Variants in FMNL2 observed in about 807,000 individuals in gnomAD.
FMNL2 encodes the protein formin like 2, also known as formin-like protein 2.
FMNL2 carries 51 observed loss-of-function variants against 130.2 expected under a neutral mutation model. The observed-to-expected ratio is 0.39, with a 90% confidence interval of 0.31 to 0.49. The LOEUF (loss-of-function observed/expected upper bound fraction) is 0.49. FMNL2 is among the 20% of genes least tolerant of loss of function. FMNL2 has a pLI of 0.85. For missense variants in FMNL2, 977 were observed against 1,316.2 expected (o/e 0.74, Z 3.99); for synonymous variants, 465 against 467.1 (o/e 1.00, Z 0.06).
At chr2:152,571,667 T>G (rs1360680397) in intron 6 of FMNL2, among the ~76,000 whole-genome samples, 1 of 152,210 alleles carries the variant, frequency 6.6e-6, no homozygotes, top group Non-Finnish European at 1.5e-5. Context: ...TTCAAACAGG[T>G]AAACTAGGAT....
intron 21 of FMNL2, among the ~76,000 whole-genome samples, chr2:152,634,739 T>G (rs1319141546): frequency 6.6e-6 from 1 of 152,202 alleles, no homozygotes; most frequent in Non-Finnish European, 1.5e-5. Flanking sequence ...TTGTGCAATG[T>G]GCAGTTGGGT....
At chr2:152,632,883 C>T (rs1404230143) in intron 21 of FMNL2, among the ~76,000 whole-genome samples, 2 of 152,130 alleles carry the variant, frequency 1.3e-5, no homozygotes, top group African/African-American at 2.4e-5. Context: ...ATTGTGATAT[C>T]GAACCATAAG....
At position 152,630,826 on chromosome 2, in the gene FMNL2, TC is replaced by T. The variant is rs574560874; in HGVS notation, c.2550+922del. Among the ~76,000 whole-genome samples the T allele has an allele frequency of 2.0e-5, 3 of 152,294 alleles. No individual in the cohort carries two copies. The South Asian group carries it at 6.2e-4, about 32-fold the overall frequency. On this transcript the variant is annotated intron_variant, in intron 20 of 25. Transcript: ENST00000288670. The stretch of plus-strand genomic sequence containing the variant: ...GCTGGCTGTACATCCCCATTTCTCC[TC>T]TGGCTTTTTACTTTGAAGAGCACTA...
chr2:152,452,644 G>A (rs1688705692), intron 1 of FMNL2, among the ~76,000 whole-genome samples: 2 of 152,160 alleles, frequency 1.3e-5, no homozygotes, highest in Admixed American at 1.3e-4. Flanking sequence ...CCATCTGTGG[G>A]AAGTGAGGGG....
chr2:152,443,617 C>T (rs1385078235), intron 1 of FMNL2, among the ~76,000 whole-genome samples: 5 of 151,690 alleles, frequency 3.3e-5, no homozygotes, highest in African/African-American at 9.7e-5. Context: ...CTGAGGTGGG[C>T]GGATCACTTG....
intron 1 of FMNL2, among the ~76,000 whole-genome samples, chr2:152,509,104 C>G (rs1692342385): frequency 6.6e-6 from 1 of 152,162 alleles, no homozygotes; most frequent in African/African-American, 2.4e-5. Context: ...GCACTTTACA[C>G]CTAGAATGTA....
chr2:152,335,540 G>A lies in FMNL2; in HGVS notation c.-64G>A. On this transcript the variant is annotated 5_prime_UTR_variant, in exon 1 of 26. Coordinates refer to ENST00000288670, the MANE Select transcript of FMNL2 (RefSeq NM_052905.4). ...GGGCGGCAGCCGACCGCCGGGAGCT[G>A]TTCTGATTTCCGACGCGCACGCTAG... 7.1e-7 allele frequency: 1 copy of A among 1,414,550 alleles called. No individual in the cohort carries two copies. Among genetic ancestry groups the A allele is most frequent in the Non-Finnish European group, 9.7e-7 (1 of 1,033,232 alleles). The allele number at this position is 1,414,550 out of a possible 1,614,324, so 87.6% of individuals were successfully genotyped here.
chr2:152,373,506 A>C (rs947306707), intron 1 of FMNL2, among the ~76,000 whole-genome samples: 1 of 152,192 alleles, frequency 6.6e-6, no homozygotes, highest in African/African-American at 2.4e-5. Context: ...CCTCCTGTGG[A>C]TACCAAAATC....
chr2:152,388,925 A>G (rs570864214), intron 1 of FMNL2, among the ~76,000 whole-genome samples: 28 of 152,334 alleles, frequency 1.8e-4, no homozygotes, highest in Admixed American at 1.0e-3. Context: ...CTCAGTCCTC[A>G]CTAAAAACAA....
chr2:152,396,862 A>C (rs570282285), intron 1 of FMNL2, among the ~76,000 whole-genome samples: 2 of 152,308 alleles, frequency 1.3e-5, no homozygotes, highest in East Asian at 1.9e-4. Context: ...AAAAAAACTT[A>C]TGCCCCTGCT....
chr2:152,456,325 T>C (rs897217245), intron 1 of FMNL2, among the ~76,000 whole-genome samples: 1 of 152,212 alleles, frequency 6.6e-6, no homozygotes, highest in Non-Finnish European at 1.5e-5. Flanking sequence ...CCTTGATCTC[T>C]TACCTGTTTT....
In FMNL2 at chr2:152,413,965, G is replaced by A. The variant is rs115607266; in HGVS notation, c.117+78245G>A. 6.6e-3 allele frequency among the ~76,000 whole-genome samples: 998 copies of A among 152,220 alleles called. 12 individuals carry two copies. Among genetic ancestry groups the A allele is most frequent in the African/African-American group, 0.023 (967 of 41,546 alleles). Reference sequence around the variant, plus strand: ...GTTGTTCTTCTTCCTCACTGTCTTTGTCCATTTAAAAAGGATTTTTGTTTT... The same window carrying A: ...GTTGTTCTTCTTCCTCACTGTCTTTATCCATTTAAAAAGGATTTTTGTTTT... On this transcript the variant is annotated intron_variant, in intron 1 of 25. Transcript: ENST00000288670.
intron 1 of FMNL2, among the ~76,000 whole-genome samples, chr2:152,498,624 T>C (rs1204093780): frequency 2.0e-5 from 3 of 152,316 alleles, no homozygotes; most frequent in Non-Finnish European, 1.5e-5. Flanking sequence ...CATATAATAT[T>C]GTCACATTGT....
chr2:152,540,689 G>T (rs914234653), intron 2 of FMNL2, among the ~76,000 whole-genome samples: 5 of 128,922 alleles, frequency 3.9e-5, no homozygotes, highest in Non-Finnish European at 4.8e-5. Flanking sequence ...TGGGGACTGT[G>T]GTGGGGTGGG....
At chr2:152,409,433 C>CT (rs1686167968) in intron 1 of FMNL2, among the ~76,000 whole-genome samples, 1 of 152,082 alleles carries the variant, frequency 6.6e-6, no homozygotes, top group African/African-American at 2.4e-5. Context: ...TCCCCTGCTG[C>CT]TTTTTTCAGA....
intron 1 of FMNL2, among the ~76,000 whole-genome samples, chr2:152,442,740 A>G (rs1688119234): frequency 6.6e-6 from 1 of 152,202 alleles, no homozygotes; most frequent in Non-Finnish European, 1.5e-5. Flanking sequence ...ACAATGACAA[A>G]CCACTGAAGG....
At chr2:152,487,464 A>G (rs564417089) in intron 1 of FMNL2, among the ~76,000 whole-genome samples, 1 of 152,360 alleles carries the variant, frequency 6.6e-6, no homozygotes, top group Admixed American at 6.5e-5. Flanking sequence ...GTCTCCAAGT[A>G]AAGGTAGAAA....
At chr2:152,363,785 C>T (rs1035316831) in intron 1 of FMNL2, among the ~76,000 whole-genome samples, 1 of 152,164 alleles carries the variant, frequency 6.6e-6, no homozygotes, top group African/African-American at 2.4e-5. Context: ...TGGTCTCGAA[C>T]TCCTGACCTC....
At chr2:152,457,806 G>C (rs762418507) in intron 1 of FMNL2, among the ~76,000 whole-genome samples, 73 of 152,298 alleles carry the variant, frequency 4.8e-4, no homozygotes, top group Non-Finnish European at 7.6e-4. Flanking sequence ...GGCTCTAGGG[G>C]ACAATCTGTT....
Sources: gnomAD v4.1 joint callset for allele counts (sites outside exome capture counted in the v4.1 genomes callset) on GRCh38, gnomAD v4.1.1 for gene constraint, MANE v1.5 for transcripts, NCBI Gene and HGNC (gene_info 2026-07-23, HGNC 2026-07-21) for gene names.